The following RANBP17 variants were observed in gnomAD, a reference collection of about 807,000 sequenced individuals.
RANBP17 encodes the protein RAN binding protein 17, also known as ran-binding protein 17.
Under a neutral mutation model 141.2 loss-of-function variants are expected in RANBP17, and 158 were observed. That is an observed-to-expected ratio of 1.12 (90% CI 0.98 to 1.28). The LOEUF is 1.28. Ranked by LOEUF, RANBP17 falls within the 50% of genes most tolerant of loss-of-function variation. RANBP17 has a pLI of 0.00. For missense variants in RANBP17, 1,438 were observed against 1,290.7 expected, an observed-to-expected ratio of 1.11 and a Z score of -1.75; for synonymous variants, 430 against 450.0, an observed-to-expected ratio of 0.96 and a Z score of 0.56.
chr5:171,199,826 C>G, intron 19 of RANBP17, 53 bp downstream of exon 19: 1 of 1,112,970 alleles, frequency 9.0e-7, no homozygotes, highest in Non-Finnish European at 1.3e-6. Flanking sequence ...TCTAGGATAT[C>G]TAGATCCAGA....
intron 22 of RANBP17, among the ~76,000 whole-genome samples, chr5:171,229,430 T>C (rs1283809113): frequency 2.0e-5 from 3 of 152,176 alleles, no homozygotes; most frequent in Non-Finnish European, 4.4e-5. Context: ...AGTCTTGCTC[T>C]GTCGCCCAGG....
At chr5:171,214,154 C>A (rs1344934403) in intron 21 of RANBP17, among the ~76,000 whole-genome samples, 1 of 152,146 alleles carries the variant, frequency 6.6e-6, no homozygotes, top group Admixed American at 6.5e-5. Context: ...CACAGCAATT[C>A]AATTCATGGG....
chr5:171,025,055 A>G (rs184767818), intron 14 of RANBP17, among the ~76,000 whole-genome samples: 1 of 152,308 alleles, frequency 6.6e-6, no homozygotes, highest in East Asian at 1.9e-4. Flanking sequence ...GTACTCTGGA[A>G]TTCATCAGTG....
intron 12 of RANBP17, among the ~76,000 whole-genome samples, chr5:170,929,101 T>C (rs1217354155): frequency 6.6e-6 from 1 of 152,152 alleles, no homozygotes; most frequent in Non-Finnish European, 1.5e-5. Context: ...TTGTGTCTTA[T>C]AACTTTGCTT....
intron 7 of RANBP17, among the ~76,000 whole-genome samples, chr5:170,913,954 G>A (rs1165266648): frequency 6.6e-6 from 1 of 152,036 alleles, no homozygotes; most frequent in Admixed American, 6.6e-5. Flanking sequence ...CTACATAGAG[G>A]AAGTGCTACA....
intron 14 of RANBP17, among the ~76,000 whole-genome samples, chr5:171,090,223 G>T (rs895009844): frequency 2.0e-5 from 3 of 152,196 alleles, no homozygotes; most frequent in African/African-American, 7.2e-5. Flanking sequence ...GTGAAATCCA[G>T]GCTGAGGTGG....
At chr5:170,974,391 T>C (rs1453394432) in intron 14 of RANBP17, among the ~76,000 whole-genome samples, 1 of 152,140 alleles carries the variant, frequency 6.6e-6, no homozygotes, top group African/African-American at 2.4e-5. Flanking sequence ...GGCTCCAGAA[T>C]AATCTTCTTT....
chr5:171,210,484 G>A (rs550127813), intron 20 of RANBP17, among the ~76,000 whole-genome samples: 2 of 152,258 alleles, frequency 1.3e-5, no homozygotes, highest in South Asian at 2.1e-4. Flanking sequence ...GCCTTGCAGA[G>A]GCCTATGTGT....
In RANBP17 at chr5:171,152,587, G is replaced by A. The variant is rs544261445; in HGVS notation, c.1711-17543G>A. Reference sequence around the variant, plus strand: ...TCAAGCCAGTACTCTGGCTTTTAAGGTTCTCCATAATCTAGCTCCATCTAC... The same window carrying A: ...TCAAGCCAGTACTCTGGCTTTTAAGATTCTCCATAATCTAGCTCCATCTAC... On this transcript the variant is annotated intron_variant, in intron 14 of 27. Coordinates refer to ENST00000523189, the MANE Select transcript of RANBP17 (RefSeq NM_022897.5). 3.3e-5 allele frequency among the ~76,000 whole-genome samples: 5 copies of A among 152,148 alleles called. No individual in the cohort carries two copies. The East Asian group carries it at 7.7e-4, about 24-fold the overall frequency.
chr5:170,938,477 A>G (rs907263797), intron 12 of RANBP17, among the ~76,000 whole-genome samples: 1 of 152,194 alleles, frequency 6.6e-6, no homozygotes. Context: ...TAAGTTATCT[A>G]TTTGATTTAG....
intron 3 of RANBP17, among the ~76,000 whole-genome samples, chr5:170,883,303 G>A (rs532083167): frequency 1.1e-3 from 173 of 152,170 alleles, no homozygotes; most frequent in African/African-American, 3.9e-3. Flanking sequence ...GAGCAGTTTT[G>A]GGTTCACAGC....
Position 171,090,673 on chromosome 5 carries a change from T to C in RANBP17, c.1711-79457T>C, listed in dbSNP as rs1786184608. On this transcript the variant is annotated intron_variant, in intron 14 of 27. Coordinates refer to ENST00000523189, the MANE Select transcript of RANBP17 (RefSeq NM_022897.5). The stretch of plus-strand genomic sequence containing the variant: ...TAGGAGAAAAAAAAAAATGGTTTCA[T>C]GGGCAGGGCCCAGGGTCCCTCTGCT... Among the ~76,000 whole-genome samples, 3 of 151,894 alleles carry C rather than the reference T, an allele frequency of 2.0e-5. No homozygotes were observed. In the South Asian group the frequency reaches 6.2e-4, roughly 32 times the overall value.
chr5:171,285,612 A>G (rs1282233512), intron 25 of RANBP17, among the ~76,000 whole-genome samples: 1 of 152,192 alleles, frequency 6.6e-6, no homozygotes, highest in East Asian at 1.9e-4. Context: ...CCAATGCCCC[A>G]GGTTTTCTGG....
chr5:170,968,948 C>G (rs116321484), intron 14 of RANBP17, among the ~76,000 whole-genome samples: 3,074 of 151,878 alleles, frequency 0.02, 93 homozygotes, highest in African/African-American at 0.069. Flanking sequence ...GAAACCTAAG[C>G]AGATATTTAG....
intron 19 of RANBP17, among the ~76,000 whole-genome samples, chr5:171,200,783 A>C (rs1379042060): frequency 6.6e-6 from 1 of 152,246 alleles, no homozygotes; most frequent in Non-Finnish European, 1.5e-5. Context: ...TTCTACCAAA[A>C]AATAATCAGC....
intron 25 of RANBP17, among the ~76,000 whole-genome samples, chr5:171,290,662 C>T (rs1171945862): frequency 6.6e-6 from 1 of 152,172 alleles, no homozygotes; most frequent in Non-Finnish European, 1.5e-5. Context: ...AATAAGGATG[C>T]TTTCTGAACT....
At chr5:171,075,312 T>C (rs891141608) in intron 14 of RANBP17, among the ~76,000 whole-genome samples, 2 of 152,224 alleles carry the variant, frequency 1.3e-5, no homozygotes, top group Admixed American at 1.3e-4. Flanking sequence ...CAAAATGTAA[T>C]ATAAAAGACC....
At chr5:171,183,285 G>A in intron 17 of RANBP17, 37 bp from the exon 18 acceptor site, 1 of 1,570,904 alleles carries the variant, frequency 6.4e-7, no homozygotes, top group Non-Finnish European at 8.8e-7. Context: ...TTGAGGTAAA[G>A]TGTTAGTAAC....
intron 18 of RANBP17, among the ~76,000 whole-genome samples, chr5:171,190,056 CCTA>C (rs1761526229): frequency 6.6e-6 from 1 of 151,642 alleles, no homozygotes; most frequent in Non-Finnish European, 1.5e-5. Context: ...AAAAAAAACA[CCTA>C]CTTTCTTGCA....
Sources: allele counts gnomAD v4.1 joint callset (sites outside exome capture counted in the v4.1 genomes callset), GRCh38; gene constraint gnomAD v4.1.1; transcripts MANE v1.5; gene names NCBI Gene and HGNC (gene_info 2026-07-23, HGNC 2026-07-21).